Variants in PIP4K2A observed in about 807,000 individuals in gnomAD.
PIP4K2A encodes phosphatidylinositol-5-phosphate 4-kinase type 2 alpha.
PIP4K2A carries 14 observed loss-of-function variants against 42.9 expected under a neutral mutation model. The ratio of observed to expected loss-of-function variants is 0.33; its 90% CI spans 0.22 to 0.51. The LOEUF (loss-of-function observed/expected upper bound fraction) is 0.51. Among genes scored for constraint, PIP4K2A ranks in the 20% least tolerant of loss-of-function variants. The pLI, the probability that PIP4K2A is intolerant of heterozygous loss-of-function variation, is 0.97. For missense variants in PIP4K2A, 434 were observed against 519.8 expected, an observed-to-expected ratio of 0.83 and a Z score of 1.61; for synonymous variants, 192 against 192.2, an observed-to-expected ratio of 1.00 and a Z score of 0.01.
chr10:22,672,752 A>C (rs187381734), intron 1 of PIP4K2A, among the ~76,000 whole-genome samples: 4 of 152,352 alleles, frequency 2.6e-5, no homozygotes, highest in Admixed American at 2.0e-4. Flanking sequence ...CAAATCTGAT[A>C]ACTCACATGA....
chr10:22,705,580 A>G (rs573325533), intron 1 of PIP4K2A, among the ~76,000 whole-genome samples: 58 of 151,810 alleles, frequency 3.8e-4, no homozygotes, highest in Non-Finnish European at 7.4e-4. Context: ...CATCTAAGGA[A>G]TCTCAGGGCT....
chr10:22,702,588 C>T (rs1833734958), intron 1 of PIP4K2A, among the ~76,000 whole-genome samples: 1 of 152,204 alleles, frequency 6.6e-6, no homozygotes, highest in Admixed American at 6.5e-5. Flanking sequence ...TAACCTCTTT[C>T]TTTGGCACTG....
intron 4 of PIP4K2A, among the ~76,000 whole-genome samples, chr10:22,590,130 C>G (rs1242961298): frequency 1.3e-5 from 2 of 152,192 alleles, no homozygotes; most frequent in Non-Finnish European, 2.9e-5. Flanking sequence ...AGCTGGCTGT[C>G]TGCAAACCAG....
rs150254345 is a variant in PIP4K2A at position 22,705,426 on chromosome 10, T to TAAAAAAA, written c.144+8750_144+8756dup. Among the ~76,000 whole-genome samples, 6 of 29,276 alleles carry TAAAAAAA rather than the reference T, an allele frequency of 2.0e-4. 1 individual carries two copies. Among genetic ancestry groups the TAAAAAAA allele is most frequent in the South Asian group, 2.0e-3 (1 of 502 alleles). 19.2% of individuals were successfully genotyped at this position (29,276 alleles called of 152,430 possible). ...TACGTATTATATTCAGTACCCCAGT[T>TAAAAAAA]AAAAAAAAAAAAAAAAAAAAAAAAA... On this transcript the variant is annotated intron_variant, in intron 1 of 9. Coordinates refer to ENST00000376573, the MANE Select transcript of PIP4K2A (RefSeq NM_005028.5).
At chr10:22,587,265 C>T (rs1837418398) in intron 4 of PIP4K2A, among the ~76,000 whole-genome samples, 1 of 151,906 alleles carries the variant, frequency 6.6e-6, no homozygotes, top group Admixed American at 6.6e-5. Context: ...TGTTGGGTAA[C>T]CAAAGTTGTC....
intron 4 of PIP4K2A, among the ~76,000 whole-genome samples, chr10:22,585,942 C>T (rs1837384480): frequency 1.3e-5 from 2 of 151,386 alleles, no homozygotes; most frequent in African/African-American, 4.9e-5. Context: ...GATACCAAAG[C>T]TCCCAATGAA....
chr10:22,605,645 A>C (rs1300183106), intron 3 of PIP4K2A, among the ~76,000 whole-genome samples: 2 of 152,220 alleles, frequency 1.3e-5, no homozygotes, highest in African/African-American at 4.8e-5. Flanking sequence ...TGAATTGAGG[A>C]ATCTAACAAG....
At chr10:22,645,386 AC>A (rs1838859141) in intron 1 of PIP4K2A, among the ~76,000 whole-genome samples, 1 of 152,068 alleles carries the variant, frequency 6.6e-6, no homozygotes. Flanking sequence ...TCTCTACAAA[AC>A]ATTTTAAAAA....
At chr10:22,675,353 C>T (rs150967603) in intron 1 of PIP4K2A, among the ~76,000 whole-genome samples, 2,949 of 152,150 alleles carry the variant, frequency 0.019, 41 homozygotes, top group Middle Eastern at 0.051. Flanking sequence ...TTTGGGAGGC[C>T]GAGGTGGGCA....
intron 1 of PIP4K2A, among the ~76,000 whole-genome samples, chr10:22,690,236 C>A (rs1588709307): frequency 6.6e-6 from 1 of 152,130 alleles, no homozygotes; most frequent in African/African-American, 2.4e-5. Flanking sequence ...GCTAATACTA[C>A]CCACGTTGTA....
chr10:22,553,789 CTTT>C (rs3074629), intron 6 of PIP4K2A, among the ~76,000 whole-genome samples: 2,417 of 118,524 alleles, frequency 0.02, 65 homozygotes, highest in African/African-American at 0.06. Context: ...GGTTGAAAAA[CTTT>C]TTTTTTTTTT....
At position 22,664,117 on chromosome 10, in the gene PIP4K2A, A is replaced by ATG. The variant is rs1491234779; in HGVS notation, c.144+50065_144+50066insCA. Reference sequence around the variant, plus strand: ...TATATATATATACATATATATATACATATATATATATACATATATATATAC... The same window carrying ATG: ...TATATATATATACATATATATATACATGTATATATATATACATATATATATAC... On this transcript the variant is annotated intron_variant, in intron 1 of 9. Transcript: ENST00000376573. 7.9e-4 allele frequency among the ~76,000 whole-genome samples: 46 copies of ATG among 58,526 alleles called. 1 individual carries two copies. The highest frequency in any genetic ancestry group is 1.0e-3 in the Non-Finnish European group (36 of 36,128). 38.4% of individuals were successfully genotyped at this position (58,526 alleles called of 152,430 possible).
At chr10:22,614,319 T>C (rs531804870) in intron 1 of PIP4K2A, among the ~76,000 whole-genome samples, 4 of 152,354 alleles carry the variant, frequency 2.6e-5, no homozygotes, top group Admixed American at 2.0e-4. Context: ...GGAGATCATA[T>C]AGTCTAACCT....
rs546047185 is a variant in PIP4K2A at position 22,685,803 on chromosome 10, G to A, written c.144+28380C>T. The stretch of plus-strand genomic sequence containing the variant: ...GAAAAGCTACCTAGTCCTATCACTC[G>A]TCTGGTGCCATGCCCCTCACAGCAA... On this transcript the variant is annotated intron_variant, in intron 1 of 9. Coordinates refer to ENST00000376573, the MANE Select transcript of PIP4K2A (RefSeq NM_005028.5). Among the ~76,000 whole-genome samples the A allele has an allele frequency of 7.9e-5, 12 of 152,266 alleles. No individual in the cohort carries two copies. The South Asian group carries it at 1.9e-3, about 24-fold the overall frequency.
intron 1 of PIP4K2A, among the ~76,000 whole-genome samples, chr10:22,673,731 A>T (rs1028747211): frequency 3.3e-5 from 5 of 152,356 alleles, no homozygotes; most frequent in African/African-American, 1.2e-4. Flanking sequence ...TTCCCAACAC[A>T]GCCAATAATA....
intron 1 of PIP4K2A, among the ~76,000 whole-genome samples, chr10:22,620,250 A>G (rs1838293982): frequency 6.6e-6 from 1 of 152,232 alleles, no homozygotes; most frequent in South Asian, 2.1e-4. Context: ...TCTACCTCCC[A>G]TGAACCACAG....
At chr10:22,598,986 A>T (rs1486561298) in intron 3 of PIP4K2A, among the ~76,000 whole-genome samples, 3 of 152,172 alleles carry the variant, frequency 2.0e-5, no homozygotes, top group Non-Finnish European at 4.4e-5. Flanking sequence ...CCTGTTCTAA[A>T]TAAAAATACT....
At chr10:22,564,643 C>T (rs141747438) in intron 6 of PIP4K2A, among the ~76,000 whole-genome samples, 8 of 152,324 alleles carry the variant, frequency 5.3e-5, no homozygotes, top group Non-Finnish European at 8.8e-5. Context: ...GCATGGAAGT[C>T]GACAGTCACT....
chr10:22,664,125 A>ACG (rs1374964214), intron 1 of PIP4K2A, among the ~76,000 whole-genome samples: 2 of 66,426 alleles, frequency 3.0e-5, no homozygotes, highest in African/African-American at 2.7e-4. Flanking sequence ...ACATATATAT[A>ACG]TATACATATA....
Sources: allele counts gnomAD v4.1 joint callset (sites outside exome capture counted in the v4.1 genomes callset), GRCh38; gene constraint gnomAD v4.1.1; transcripts MANE v1.5; gene names NCBI Gene and HGNC (gene_info 2026-07-23, HGNC 2026-07-21).